Variants in GSK3B observed in about 807,000 individuals in gnomAD.
GSK3B encodes the protein glycogen synthase kinase-3 beta.
A neutral mutation model predicts 56.4 loss-of-function variants in GSK3B; 15 were observed. The observed-to-expected ratio is 0.27, with a 90% CI of 0.18 to 0.41. The LOEUF (loss-of-function observed/expected upper bound fraction) is 0.41, where lower values mean the gene tolerates loss of function less well. Among genes scored for constraint, GSK3B ranks in the 10% least tolerant of loss-of-function variants. The pLI, the probability that GSK3B is intolerant of heterozygous loss-of-function variation, is 1.00. For missense variants in GSK3B, 300 were observed against 513.4 expected, an observed-to-expected ratio of 0.58 and a Z score of 4.02; for synonymous variants, 181 against 188.9, an observed-to-expected ratio of 0.96 and a Z score of 0.34.
chr3:120,094,117 G>A lies in GSK3B; in HGVS notation c.-683C>T, dbSNP rs1400101626. On this transcript the variant is annotated 5_prime_UTR_variant, in exon 1 of 11. Coordinates refer to ENST00000264235, the MANE Select transcript of GSK3B (RefSeq NM_001146156.2). Reference sequence around the variant, plus strand: ...GGCGGCGGCTGGATCCAGCGGCCATGGCGGTGGCGGAGGCAGCTCCCTTCA... The same window carrying A: ...GGCGGCGGCTGGATCCAGCGGCCATAGCGGTGGCGGAGGCAGCTCCCTTCA... 5 of 230,032 alleles carry A rather than the reference G, an allele frequency of 2.2e-5. No individual in the cohort carries two copies. Among genetic ancestry groups the A allele is most frequent in the African/African-American group, 1.1e-4 (5 of 44,638 alleles). The allele number at this position is 230,032 out of a possible 1,614,324, so 14.2% of individuals were successfully genotyped here.
chr3:120,087,540 A>C (rs2058474950), intron 1 of GSK3B, among the ~76,000 whole-genome samples: 1 of 152,122 alleles, frequency 6.6e-6, no homozygotes, highest in South Asian at 2.1e-4. Context: ...TCAAAAAAAA[A>C]AAAAGTGTAC....
chr3:119,940,079 T>G lies in GSK3B; in HGVS notation c.366+7189A>C, dbSNP rs76870804. On this transcript the variant is annotated intron_variant, in intron 3 of 10. Coordinates refer to ENST00000264235, the MANE Select transcript of GSK3B (RefSeq NM_001146156.2). Reference sequence around the variant, plus strand: ...AAACATTTTACTTACATGGCCACAATTTTCACAGTAACAAAAGTGTGTGTG... The same window carrying G: ...AAACATTTTACTTACATGGCCACAAGTTTCACAGTAACAAAAGTGTGTGTG... Among the ~76,000 whole-genome samples the G allele has an allele frequency of 8.5e-3, 1,278 of 150,520 alleles. 7 individuals are homozygous for G. The highest frequency in any genetic ancestry group is 0.059 in the Middle Eastern group (17 of 290).
At chr3:120,028,394 T>C (rs557937714) in intron 1 of GSK3B, among the ~76,000 whole-genome samples, 1 of 152,290 alleles carries the variant, frequency 6.6e-6, no homozygotes, top group East Asian at 1.9e-4. Context: ...CAACAAACTA[T>C]TTGAAACCTT....
intron 10 of GSK3B, among the ~76,000 whole-genome samples, chr3:119,829,240 T>C (rs971044068): frequency 1.3e-5 from 2 of 152,132 alleles, no homozygotes; most frequent in Admixed American, 6.5e-5. Context: ...ATTTTCATGA[T>C]TCATGCACAG....
chr3:120,079,480 C>T (rs1237756278), intron 1 of GSK3B, among the ~76,000 whole-genome samples: 1 of 151,368 alleles, frequency 6.6e-6, no homozygotes, highest in African/African-American at 2.4e-5. Context: ...TTGCAACCTC[C>T]ACTTCCCAGG....
At chr3:119,887,068 T>C (rs892381229) in intron 7 of GSK3B, among the ~76,000 whole-genome samples, 1 of 152,134 alleles carries the variant, frequency 6.6e-6, no homozygotes, top group Admixed American at 6.6e-5. Flanking sequence ...AGAAGAATAC[T>C]ATGAAGAAAC....
intron 7 of GSK3B, among the ~76,000 whole-genome samples, chr3:119,898,186 A>T (rs1208824617): frequency 6.6e-6 from 1 of 152,210 alleles, no homozygotes; most frequent in Non-Finnish European, 1.5e-5. Flanking sequence ...AGTGTCAAAC[A>T]TCTCATGTAA....
At chr3:119,935,486 C>T (rs1559843748) in intron 3 of GSK3B, among the ~76,000 whole-genome samples, 1 of 152,108 alleles carries the variant, frequency 6.6e-6, no homozygotes, top group African/African-American at 2.4e-5. Context: ...TATGAACCCA[C>T]TTTTACTTTC....
intron 2 of GSK3B, among the ~76,000 whole-genome samples, chr3:119,963,645 G>A (rs796202948): frequency 2.8e-3 from 301 of 107,164 alleles, no homozygotes; most frequent in Middle Eastern, 4.9e-3. Context: ...AAAAAAAAAA[G>A]AAAGAAAAAA....
intron 1 of GSK3B, among the ~76,000 whole-genome samples, chr3:120,076,286 A>T (rs1260639100): frequency 6.6e-6 from 1 of 152,214 alleles, no homozygotes; most frequent in Non-Finnish European, 1.5e-5. Flanking sequence ...AATCTCCTTG[A>T]CATTGGTCTT....
intron 2 of GSK3B, among the ~76,000 whole-genome samples, chr3:119,959,865 A>C (rs1236022897): frequency 2.0e-5 from 3 of 151,912 alleles, no homozygotes. Context: ...ACCTCACATT[A>C]ATCTGTCAAG....
intron 2 of GSK3B, 54 bp from the exon 3 acceptor site, chr3:119,947,405 T>C (rs2057111313): frequency 9.4e-7 from 1 of 1,069,104 alleles, no homozygotes; most frequent in South Asian, 1.3e-5. Context: ...CTATTCATCA[T>C]ATTGAACAAG....
At chr3:119,865,453 T>C (rs1308857672) in intron 8 of GSK3B, among the ~76,000 whole-genome samples, 1 of 19,034 alleles carries the variant, frequency 5.3e-5, no homozygotes, top group East Asian at 1.4e-3. Context: ...TATATATATA[T>C]ATATATATAT....
intron 10 of GSK3B, among the ~76,000 whole-genome samples, chr3:119,842,418 A>T (rs2055785651): frequency 6.6e-6 from 1 of 152,176 alleles, no homozygotes. Flanking sequence ...TAAAAAAATG[A>T]TTAAATATAA....
At chr3:119,983,263 A>G (rs536392551) in intron 2 of GSK3B, among the ~76,000 whole-genome samples, 2 of 152,336 alleles carry the variant, frequency 1.3e-5, no homozygotes, top group Admixed American at 1.3e-4. Context: ...GCCAAATTGT[A>G]AAGACCACTG....
At chr3:119,866,391 T>G (rs2056183489) in intron 8 of GSK3B, among the ~76,000 whole-genome samples, 1 of 152,192 alleles carries the variant, frequency 6.6e-6, no homozygotes, top group Non-Finnish European at 1.5e-5. Context: ...TGTCAATGAA[T>G]CACCCAAGAG....
chr3:119,947,553 G>A (rs2057112404), intron 2 of GSK3B, among the ~76,000 whole-genome samples: 1 of 152,010 alleles, frequency 6.6e-6, no homozygotes, highest in Admixed American at 6.6e-5. Context: ...TCTCCAATAA[G>A]ACAAATACAG....
chr3:120,053,268 C>T (rs143693257), intron 1 of GSK3B, among the ~76,000 whole-genome samples: 3 of 152,230 alleles, frequency 2.0e-5, no homozygotes, highest in African/African-American at 7.2e-5. Flanking sequence ...ATCTGGGAGG[C>T]GGAAGTTGTG....
chr3:119,882,426 T>C (rs1315617408), intron 7 of GSK3B, among the ~76,000 whole-genome samples: 1 of 152,162 alleles, frequency 6.6e-6, no homozygotes, highest in African/African-American at 2.4e-5. Flanking sequence ...AGTTTTACAG[T>C]GAACACCAAC....
Sources: allele counts gnomAD v4.1 joint callset (sites outside exome capture counted in the v4.1 genomes callset), GRCh38; gene constraint gnomAD v4.1.1; transcripts MANE v1.5; gene names NCBI Gene and HGNC (gene_info 2026-07-23, HGNC 2026-07-21).